Variants in ANO3 observed in about 807,000 individuals in gnomAD.
ANO3 encodes anoctamin 3.
Under a neutral mutation model 144.8 loss-of-function variants are expected in ANO3, and 99 were observed. The observed-to-expected ratio is 0.68, with a 90% CI of 0.58 to 0.81. The LOEUF (loss-of-function observed/expected upper bound fraction) is 0.81, where lower values mean the gene tolerates loss of function less well. ANO3 is among the 30% of genes least tolerant of loss of function. The probability of loss-of-function intolerance (pLI) is 0.00; values close to 1 mark genes in which losing one functional copy is unlikely to be tolerated. For synonymous variants in ANO3, 414 were observed against 392.6 expected, an observed-to-expected ratio of 1.05 and a Z score of -0.64; for missense variants, 905 against 1,202.2, an observed-to-expected ratio of 0.75 and a Z score of 3.66.
chr11:26,320,263 C>T (rs748082270), intron 1 of ANO3, among the ~76,000 whole-genome samples: 1 of 152,194 alleles, frequency 6.6e-6, no homozygotes, highest in Non-Finnish European at 1.5e-5. Flanking sequence ...AACAAAATGA[C>T]CTTCAGAGTA....
At chr11:26,206,472 T>A (rs565313115) in intron 1 of ANO3, among the ~76,000 whole-genome samples, 8 of 152,282 alleles carry the variant, frequency 5.3e-5, no homozygotes, top group African/African-American at 1.9e-4. Flanking sequence ...CTAGACAATG[T>A]CAAAAAATTA....
chr11:26,507,971 C>T, intron 4 of ANO3, 133 bp from the exon 5 acceptor site: 1 of 740,036 alleles, frequency 1.4e-6, no homozygotes, highest in Non-Finnish European at 2.1e-6. Flanking sequence ...ATTCTATTTC[C>T]ATATCTCATG....
chr11:26,442,805 C>T (rs11029559), intron 2 of ANO3, among the ~76,000 whole-genome samples: 9,980 of 152,120 alleles, frequency 0.066, 594 homozygotes, highest in African/African-American at 0.16. Flanking sequence ...CTTGCTCTGT[C>T]GCCCAGGCTG....
chr11:26,263,220 A>G (rs187868074), intron 1 of ANO3, among the ~76,000 whole-genome samples: 1 of 152,318 alleles, frequency 6.6e-6, no homozygotes, highest in East Asian at 1.9e-4. Flanking sequence ...AATTCTGATC[A>G]AATATGTAGT....
At chr11:26,408,875 A>G (rs1857359771) in intron 1 of ANO3, among the ~76,000 whole-genome samples, 1 of 151,780 alleles carries the variant, frequency 6.6e-6, no homozygotes. Flanking sequence ...TATCGCAAGG[A>G]CAAAAAACCA....
intron 14 of ANO3, among the ~76,000 whole-genome samples, chr11:26,589,514 G>A (rs1019194657): frequency 1.3e-4 from 19 of 150,682 alleles, no homozygotes; most frequent in African/African-American, 4.4e-4. Flanking sequence ...TCACAGAGCC[G>A]CACAACCCTC....
rs961365169 is a variant in ANO3, at chr11:26,479,494, T to C, written c.432+16346T>C. 7.9e-5 allele frequency among the ~76,000 whole-genome samples: 12 copies of C among 151,986 alleles called. 1 individual carries two copies. The highest frequency in any genetic ancestry group is 1.9e-4 in the East Asian group (1 of 5,166). On this transcript the variant is annotated intron_variant, in intron 4 of 26. Transcript: ENST00000256737. ...CACGGAAGGCAAATGAGGAGCAAAG[T>C]CACATCTTGCGTGGGGGCAGGCAGA...
intron 1 of ANO3, among the ~76,000 whole-genome samples, chr11:26,412,573 G>A (rs571986108): frequency 6.6e-6 from 1 of 151,998 alleles, no homozygotes; most frequent in South Asian, 2.1e-4. Flanking sequence ...AAATCTACAC[G>A]ATGCTTCAAG....
At chr11:26,374,486 C>G (rs564434369) in intron 1 of ANO3, among the ~76,000 whole-genome samples, 1 of 152,150 alleles carries the variant, frequency 6.6e-6, no homozygotes, top group East Asian at 1.9e-4. Flanking sequence ...GATCACAGAA[C>G]TTGGACATTA....
intron 20 of ANO3, among the ~76,000 whole-genome samples, chr11:26,638,534 T>C (rs1392951517): frequency 2.0e-5 from 3 of 152,120 alleles, no homozygotes; most frequent in Non-Finnish European, 4.4e-5. Context: ...ATAAATACCA[T>C]AGGGTATGTG....
At chr11:26,318,164 A>G (rs1033379547) in intron 1 of ANO3, among the ~76,000 whole-genome samples, 1 of 152,154 alleles carries the variant, frequency 6.6e-6, no homozygotes, top group Non-Finnish European at 1.5e-5. Flanking sequence ...TGTAGATGAC[A>G]GGTTGATGGG....
In ANO3 at chr11:26,647,820, A is replaced by G; in HGVS notation, c.2540A>G (p.Tyr847Cys). 1 of 1,613,556 alleles carries G rather than the reference A, an allele frequency of 6.2e-7. No homozygotes were observed. Among genetic ancestry groups the G allele is most frequent in the East Asian group, 2.2e-5 (1 of 44,816 alleles). Residue 847 changes from tyrosine (Y) to cysteine (C), a missense_variant, in exon 24 of 27, where the codon TAT becomes TGT. Around this residue, in one of 4 missense-constraint regions of ANO3, gnomAD observed 597 missense variants for 865.1 expected, o/e 0.69. Coordinates refer to ENST00000256737, the MANE Select transcript of ANO3 (RefSeq NM_031418.4). Reference sequence around the variant, plus strand: ...CCACGTTTTGTTTATGAATACAAATATGGCCCCTGTGCAAATCATGTAGAA... The same window carrying G: ...CCACGTTTTGTTTATGAATACAAATGTGGCCCCTGTGCAAATCATGTAGAA... ...YIPRFVYEYK[Y>C]GPCANHVEPS...
intron 1 of ANO3, among the ~76,000 whole-genome samples, chr11:26,290,582 T>C (rs1213501914): frequency 6.6e-6 from 1 of 152,242 alleles, no homozygotes; most frequent in Admixed American, 6.5e-5. Flanking sequence ...CTGCTTTAAA[T>C]GTGTCCCAGA....
chr11:26,494,566 A>T (rs1755139910), intron 4 of ANO3, among the ~76,000 whole-genome samples: 1 of 152,210 alleles, frequency 6.6e-6, no homozygotes. Context: ...GGAAATGCTG[A>T]GTACCTTCAC....
chr11:26,555,571 CA>C (rs1310561678), intron 13 of ANO3, among the ~76,000 whole-genome samples: 2 of 152,110 alleles, frequency 1.3e-5, no homozygotes, highest in Non-Finnish European at 2.9e-5. Flanking sequence ...CACTTAATAA[CA>C]TGTATAAGGA....
chr11:26,389,202 A>G (rs1277284257), intron 1 of ANO3, among the ~76,000 whole-genome samples: 1 of 152,198 alleles, frequency 6.6e-6, no homozygotes, highest in Admixed American at 6.6e-5. Flanking sequence ...TTCTCTTAGG[A>G]AAAAAATGTG....
chr11:26,481,925 A>G (rs915029800), intron 4 of ANO3, among the ~76,000 whole-genome samples: 1 of 151,748 alleles, frequency 6.6e-6, no homozygotes, highest in Admixed American at 6.6e-5. Flanking sequence ...ACTATGTCTC[A>G]CTCTTCACCT....
chr11:26,624,820 CT>C, intron 18 of ANO3, among the ~76,000 whole-genome samples: 1 of 152,068 alleles, frequency 6.6e-6, no homozygotes, highest in Non-Finnish European at 1.5e-5. Flanking sequence ...TACATGTACA[CT>C]TTTTAAAAGC....
chr11:26,488,858 G>C (rs1860579716), intron 4 of ANO3, among the ~76,000 whole-genome samples: 1 of 152,148 alleles, frequency 6.6e-6, no homozygotes, highest in Non-Finnish European at 1.5e-5. Flanking sequence ...GGGTGGCCAG[G>C]TTTTATTCCC....
Sources: allele counts gnomAD v4.1 joint callset (sites outside exome capture counted in the v4.1 genomes callset), GRCh38; gene constraint gnomAD v4.1.1; regional missense constraint gnomAD v4.1.1; transcripts MANE v1.5; gene names NCBI Gene and HGNC (gene_info 2026-07-23, HGNC 2026-07-21).